The following PTPRR variants were observed in gnomAD, a reference collection of about 807,000 sequenced individuals.
PTPRR encodes the protein receptor-type tyrosine-protein phosphatase R.
A neutral mutation model predicts 77.2 loss-of-function variants in PTPRR; 38 were observed. The observed-to-expected ratio is 0.49, with a 90% CI of 0.38 to 0.65. The LOEUF is 0.65. PTPRR is among the 30% of genes least tolerant of loss of function. The pLI is 0.00. For missense variants in PTPRR, 744 were observed against 799.2 expected (o/e 0.93, Z 0.83); for synonymous variants, 299 against 283.1 (o/e 1.06, Z -0.57).
chr12:70,872,673 C>T (rs1195843363), intron 2 of PTPRR, among the ~76,000 whole-genome samples: 5 of 115,106 alleles, frequency 4.3e-5, no homozygotes, highest in East Asian at 2.7e-4. Context: ...CCAATCTGGG[C>T]GACAGAGTGA....
At chr12:70,754,052 T>G in intron 5 of PTPRR, 139 bp downstream of exon 5, 2 of 826,974 alleles carry the variant, frequency 2.4e-6, no homozygotes, top group Non-Finnish European at 3.7e-6. Context: ...ATGTCAGATA[T>G]GAAATATTCC....
intron 1 of PTPRR, among the ~76,000 whole-genome samples, chr12:70,914,695 C>A (rs1893748882): frequency 6.6e-6 from 1 of 152,066 alleles, no homozygotes; most frequent in African/African-American, 2.4e-5. Flanking sequence ...CTGTGGCTCA[C>A]ACCTGTAATC....
chr12:70,801,865 T>C (rs189163169), intron 2 of PTPRR, among the ~76,000 whole-genome samples: 1 of 152,218 alleles, frequency 6.6e-6, no homozygotes, highest in Non-Finnish European at 1.5e-5. Context: ...CAATCCAGAA[T>C]AAACAGCTTT....
intron 6 of PTPRR, among the ~76,000 whole-genome samples, chr12:70,718,101 A>G (rs1206656594): frequency 6.6e-6 from 1 of 152,218 alleles, no homozygotes; most frequent in African/African-American, 2.4e-5. Context: ...AATCAGGATA[A>G]AATGACTTTT....
At chr12:70,900,477 T>A (rs1020854695) in intron 1 of PTPRR, among the ~76,000 whole-genome samples, 26 of 151,436 alleles carry the variant, frequency 1.7e-4, no homozygotes, top group African/African-American at 5.1e-4. Context: ...TGATTTTTTT[T>A]AAATATGACC....
At chr12:70,800,447 A>T (rs1186143575) in intron 2 of PTPRR, among the ~76,000 whole-genome samples, 2 of 152,204 alleles carry the variant, frequency 1.3e-5, no homozygotes, top group Admixed American at 6.5e-5. Context: ...ATAAAATTTC[A>T]TATCAAGAAT....
At chr12:70,672,734 A>T in intron 10 of PTPRR, 1 of 1,548,024 alleles carries the variant, frequency 6.5e-7, no homozygotes, top group Non-Finnish European at 8.8e-7. Flanking sequence ...TACCCAGGGG[A>T]TGTCATCCTG....
At chr12:70,648,528 A>G (rs1404590702) in intron 13 of PTPRR, among the ~76,000 whole-genome samples, 2 of 151,998 alleles carry the variant, frequency 1.3e-5, no homozygotes, top group Non-Finnish European at 2.9e-5. Flanking sequence ...GAAATATCTT[A>G]CTCTTGATAG....
At chr12:70,648,728 C>T (rs1304613117) in intron 13 of PTPRR, among the ~76,000 whole-genome samples, 3 of 152,068 alleles carry the variant, frequency 2.0e-5, no homozygotes, top group Non-Finnish European at 4.4e-5. Flanking sequence ...TTTTGCTAGT[C>T]TTACCAGTGT....
chr12:70,753,841 T>A (rs1241569703), intron 5 of PTPRR, among the ~76,000 whole-genome samples: 1 of 152,072 alleles, frequency 6.6e-6, no homozygotes, highest in Non-Finnish European at 1.5e-5. Flanking sequence ...ATAAAGATGA[T>A]ATAAAAGGAG....
chr12:70,736,033 C>T (rs762502061), intron 6 of PTPRR, among the ~76,000 whole-genome samples: 7 of 152,194 alleles, frequency 4.6e-5, no homozygotes, highest in Non-Finnish European at 8.8e-5. Flanking sequence ...ATGGAGACCA[C>T]TCCATCCTTT....
At chr12:70,812,260 T>TA in intron 2 of PTPRR, among the ~76,000 whole-genome samples, 1 of 152,152 alleles carries the variant, frequency 6.6e-6, no homozygotes, top group East Asian at 1.9e-4. Flanking sequence ...ACACTGGCAG[T>TA]AGAGTGGGTG....
chr12:70,754,707 CTT>C (rs758631531), intron 4 of PTPRR: 2 of 1,592,498 alleles, frequency 1.3e-6, no homozygotes, highest in Non-Finnish European at 1.7e-6. Flanking sequence ...TGTACTACCT[CTT>C]TACTTTTAAA....
intron 12 of PTPRR, among the ~76,000 whole-genome samples, chr12:70,657,283 A>G (rs925515765): frequency 2.6e-5 from 4 of 152,196 alleles, no homozygotes; most frequent in Non-Finnish European, 5.9e-5. Context: ...TGAAGGAGGC[A>G]GGGAAGGGGA....
chr12:70,639,454 T>C (rs939324295), intron 13 of PTPRR, 177 bp from the exon 14 acceptor site: 20 of 1,388,254 alleles, frequency 1.4e-5, no homozygotes, highest in African/African-American at 1.2e-4. Flanking sequence ...AAAGTTAACA[T>C]GGTAATGTAT....
intron 10 of PTPRR, among the ~76,000 whole-genome samples, chr12:70,665,733 C>A (rs1335668247): frequency 2.0e-5 from 3 of 151,424 alleles, no homozygotes; most frequent in Non-Finnish European, 2.9e-5. Flanking sequence ...TCCTTCTGGC[C>A]CCCACCAAGT....
chr12:70,656,209 C>A (rs938394887), intron 13 of PTPRR, among the ~76,000 whole-genome samples: 5 of 151,972 alleles, frequency 3.3e-5, no homozygotes, highest in Non-Finnish European at 2.9e-5. Context: ...CAAAGTGAGA[C>A]CCTGTCTCAA....
intron 2 of PTPRR, among the ~76,000 whole-genome samples, chr12:70,798,235 T>C (rs1891550442): frequency 2.0e-5 from 3 of 152,186 alleles, no homozygotes; most frequent in Admixed American, 2.0e-4. Flanking sequence ...CTCAGATATG[T>C]TAGTTCTGCT....
At chr12:70,701,366 T>C (rs1344078081) in intron 6 of PTPRR, 43 bp from the exon 7 acceptor site, 1 of 1,565,754 alleles carries the variant, frequency 6.4e-7, no homozygotes, top group Non-Finnish European at 8.7e-7. Flanking sequence ...CACATACTTA[T>C]TTTGATTGCA....
Sources: allele counts gnomAD v4.1 joint callset (sites outside exome capture counted in the v4.1 genomes callset), GRCh38; gene constraint gnomAD v4.1.1; transcripts MANE v1.5; gene names NCBI Gene and HGNC (gene_info 2026-07-23, HGNC 2026-07-21).